Variants in USP54 observed in about 807,000 individuals in gnomAD.
The protein encoded by USP54 is ubiquitin carboxyl-terminal hydrolase 54.
In USP54, 87 loss-of-function variants were observed where a neutral mutation model predicts 170.5. The ratio of observed to expected loss-of-function variants is 0.51; its 90% CI spans 0.43 to 0.61. USP54 has a LOEUF of 0.61. Among genes scored for constraint, USP54 ranks in the 20% least tolerant of loss-of-function variants. The probability of loss-of-function intolerance (pLI) is 0.00; values close to 1 mark genes in which losing one functional copy is unlikely to be tolerated. For missense variants in USP54, 1,786 were observed against 2,047.8 expected, an observed-to-expected ratio of 0.87 and a Z score of 2.47; for synonymous variants, 655 against 742.8, an observed-to-expected ratio of 0.88 and a Z score of 1.92.
chr10:73,533,552 TA>T lies in USP54; in HGVS notation c.1315+1047del, dbSNP rs1170672312. The stretch of plus-strand genomic sequence containing the variant: ...GAATATCTTTGAAATTCTTGATATT[TA>T]AAAAAAAAAAAAGCCCCCACAGCTT... On this transcript the variant is annotated intron_variant, in intron 12 of 23. Coordinates refer to ENST00000687698, the MANE Select transcript of USP54 (RefSeq NM_001391956.1). Among the ~76,000 whole-genome samples, 971 of 137,202 alleles carry T rather than the reference TA, an allele frequency of 7.1e-3. 2 individuals are homozygous for T. Among genetic ancestry groups the T allele is most frequent in the Middle Eastern group, 0.039 (11 of 282 alleles). The allele number at this position is 137,202 out of a possible 152,430, so 90.0% of individuals were successfully genotyped here.
At chr10:73,557,258 G>A (rs73272369) in intron 4 of USP54, among the ~76,000 whole-genome samples, 26 of 151,896 alleles carry the variant, frequency 1.7e-4, no homozygotes, top group Non-Finnish European at 2.6e-4. Context: ...AAATATTTTA[G>A]TGATATGAGA....
chr10:73,572,826 A>G (rs1406092156), intron 3 of USP54, among the ~76,000 whole-genome samples: 1 of 152,238 alleles, frequency 6.6e-6, no homozygotes, highest in Non-Finnish European at 1.5e-5. Context: ...GAAATCATAA[A>G]TAGTATTGTT....
In USP54 at chr10:73,571,455, C is replaced by G; in HGVS notation, c.206G>C (p.Cys69Ser). 1 of 1,613,946 alleles carries G rather than the reference C, an allele frequency of 6.2e-7. No homozygotes were observed. The highest frequency in any genetic ancestry group is 1.1e-5 in the South Asian group (1 of 91,046). The stretch of plus-strand genomic sequence containing the variant: ...GCAAAAGATGCAGGAATCTCCCATG[C>G]ACTTGTGAGTTGTAAGCTGCCTAAA... ...RSFRQLTTHK[C>S]MGDSCIFCAL... The change falls in exon 4 of 24, where the codon TGC becomes TCC. Residue 69 changes from cysteine to serine, a missense_variant. Physicochemically the swap from Cys to Ser is moderately radical, Grantham distance 112. Coordinates refer to ENST00000687698, the MANE Select transcript of USP54 (RefSeq NM_001391956.1).
chr10:73,579,736 G>C (rs991465897), intron 1 of USP54, among the ~76,000 whole-genome samples: 1 of 151,356 alleles, frequency 6.6e-6, no homozygotes, highest in Admixed American at 6.6e-5. Flanking sequence ...CAGCCTGGAT[G>C]ACACGGCAAG....
intron 1 of USP54, among the ~76,000 whole-genome samples, chr10:73,624,827 T>G (rs1385081331): frequency 6.6e-6 from 1 of 152,160 alleles, no homozygotes; most frequent in Non-Finnish European, 1.5e-5. Context: ...ATTGAGACAT[T>G]CAAAACATGT....
chr10:73,544,504 G>A lies in USP54; in HGVS notation c.375+1034C>T, dbSNP rs371993921. On this transcript the variant is annotated intron_variant, in intron 5 of 23. Coordinates refer to ENST00000687698, the MANE Select transcript of USP54 (RefSeq NM_001391956.1). ...TTAATATAAGTTTTCATTTCTGTGGGATACATGTCCAGGAATGTAATTGCT... is the reference window on the plus strand; with the variant it reads ...TTAATATAAGTTTTCATTTCTGTGGAATACATGTCCAGGAATGTAATTGCT... Among the ~76,000 whole-genome samples, 33 of 152,156 alleles carry A rather than the reference G, an allele frequency of 2.2e-4. No individual in the cohort carries two copies. The East Asian group carries it at 6.2e-3, about 29-fold the overall frequency.
chr10:73,519,575 T>C, intron 19 of USP54: 1 of 622,518 alleles, frequency 1.6e-6, no homozygotes. Context: ...TGTGGACAAA[T>C]GGTCTTATTA....
rs1408662917 is a variant in USP54, at chr10:73,536,222, T to C, written c.1144+47A>G. 2.5e-6 allele frequency: 4 copies of C among 1,603,460 alleles called. No individual in the cohort carries two copies. In the Admixed American group the frequency reaches 5.2e-5, roughly 21 times the overall value. ...TTAACTATGAGTCCCAACTGTTTGA[T>C]CGCATGGGGTGAGGAGAGAGGAGAG... On this transcript the variant is annotated intron_variant, in intron 11 of 23. Transcript: ENST00000687698.
At chr10:73,616,468 A>G (rs1451663545) in intron 1 of USP54, among the ~76,000 whole-genome samples, 1 of 149,682 alleles carries the variant, frequency 6.7e-6, no homozygotes, top group Admixed American at 6.6e-5. Context: ...ACATGGACAC[A>G]GGGAGGGGAA....
intron 4 of USP54, among the ~76,000 whole-genome samples, chr10:73,556,129 T>C (rs981546279): frequency 6.6e-6 from 1 of 152,096 alleles, no homozygotes; most frequent in Admixed American, 6.6e-5. Flanking sequence ...CATAAGGACA[T>C]ACTTCCTTAT....
At chr10:73,548,192 T>C (rs1181738230) in intron 4 of USP54, among the ~76,000 whole-genome samples, 4 of 152,226 alleles carry the variant, frequency 2.6e-5, no homozygotes, top group East Asian at 1.9e-4. Flanking sequence ...TACCATCTCA[T>C]GCCAGTTAGA....
intron 4 of USP54, among the ~76,000 whole-genome samples, chr10:73,550,917 T>C (rs1205880644): frequency 6.6e-6 from 1 of 152,042 alleles, no homozygotes; most frequent in Non-Finnish European, 1.5e-5. Flanking sequence ...CCATCCTGGC[T>C]AACAAGGTGA....
intron 1 of USP54, among the ~76,000 whole-genome samples, chr10:73,611,077 AC>A (rs976479340): frequency 6.6e-6 from 1 of 152,222 alleles, no homozygotes; most frequent in African/African-American, 2.4e-5. Context: ...TTTTTAAAAA[AC>A]ATTTTTGTAC....
chr10:73,526,720 C>T lies in USP54; in HGVS notation c.2121G>A (p.Ser707=), dbSNP rs376148269. 8.7e-6 allele frequency: 14 copies of T among 1,613,970 alleles called. No individual in the cohort carries two copies. The highest frequency in any genetic ancestry group is 1.2e-5 in the Non-Finnish European group (14 of 1,180,020). ...CTACCTCCAGGATGCTACTGCTGTG[C>T]GACTTTGGGATATGACGCCAGGAAG... is the stretch of plus-strand genomic sequence containing the variant. ...LVPSWRHIPK[S]HSSSILEVDS... Residue 707 remains serine (S), a synonymous_variant, in exon 16 of 24, where the codon TCG becomes TCA. Coordinates refer to ENST00000687698, the MANE Select transcript of USP54 (RefSeq NM_001391956.1).
intron 4 of USP54, among the ~76,000 whole-genome samples, chr10:73,566,750 C>A (rs374676876): frequency 0.023 from 3,500 of 149,838 alleles, 137 homozygotes; most frequent in African/African-American, 0.079. Context: ...AACAAAAAAA[C>A]AAAACAAAAA....
At chr10:73,567,466 T>A (rs1047988388) in intron 4 of USP54, among the ~76,000 whole-genome samples, 8 of 151,878 alleles carry the variant, frequency 5.3e-5, no homozygotes, top group East Asian at 1.9e-4. Flanking sequence ...AGGTCAGGAG[T>A]TCGGGACCAG....
intron 15 of USP54, among the ~76,000 whole-genome samples, chr10:73,527,744 A>G (rs971168625): frequency 6.6e-6 from 1 of 151,210 alleles, no homozygotes; most frequent in Non-Finnish European, 1.5e-5. Flanking sequence ...TCACACCTAT[A>G]ATCTCAGTAC....
At chr10:73,499,747 T>C in intron 23 of USP54, 1 of 153,160 alleles carries the variant, frequency 6.5e-6, no homozygotes, top group South Asian at 2.1e-4. Context: ...AAATGTTACC[T>C]TCACTTCAGT....
At chr10:73,549,739 T>C (rs2068779363) in intron 4 of USP54, among the ~76,000 whole-genome samples, 1 of 152,226 alleles carries the variant, frequency 6.6e-6, no homozygotes, top group Admixed American at 6.5e-5. Context: ...GTTTCCTGAC[T>C]GATCCCCTTG....
Sources: allele counts gnomAD v4.1 joint callset (sites outside exome capture counted in the v4.1 genomes callset), GRCh38; gene constraint gnomAD v4.1.1; transcripts MANE v1.5; gene names NCBI Gene and HGNC (gene_info 2026-07-23, HGNC 2026-07-21).